Variants in SLCO1B3 observed in about 807,000 individuals in gnomAD.
The protein encoded by SLCO1B3 is solute carrier organic anion transporter family member 1B3.
SLCO1B3 carries 72 observed loss-of-function variants against 71.8 expected under a neutral mutation model. The ratio of observed to expected loss-of-function variants is 1.00; its 90% CI spans 0.83 to 1.22. The LOEUF is 1.22. Among genes scored for constraint, SLCO1B3 ranks in the 50% most tolerant of loss-of-function variants. The pLI is 0.00. For missense variants in SLCO1B3, 911 were observed against 819.7 expected, an observed-to-expected ratio of 1.11 and a Z score of -1.36; for synonymous variants, 298 against 278.4, an observed-to-expected ratio of 1.07 and a Z score of -0.70.
At chr12:20,844,605 C>T (rs1864871368) in intron 3 of SLCO1B3, among the ~76,000 whole-genome samples, 1 of 151,944 alleles carries the variant, frequency 6.6e-6, no homozygotes, top group South Asian at 2.1e-4. Context: ...TAATTGATAA[C>T]CCCCAAATCA....
chr12:20,868,796 A>C (rs1270497589), intron 8 of SLCO1B3, among the ~76,000 whole-genome samples: 2 of 152,126 alleles, frequency 1.3e-5, no homozygotes. Flanking sequence ...AAAGAGTGTG[A>C]GTCATCTCCA....
At chr12:20,835,661 G>C (rs1489183349) in intron 3 of SLCO1B3, among the ~76,000 whole-genome samples, 1 of 152,132 alleles carries the variant, frequency 6.6e-6, no homozygotes. Context: ...ATCAGTATCA[G>C]TGTTTTGATA....
chr12:20,848,616 C>T (rs1035510521), intron 3 of SLCO1B3, among the ~76,000 whole-genome samples: 1 of 152,064 alleles, frequency 6.6e-6, no homozygotes, highest in African/African-American at 2.4e-5. Context: ...GGTAAAGAAA[C>T]TGTGATACAG....
Position 20,879,278 on chromosome 12 carries a change from G to A in SLCO1B3, c.1136-158G>A, listed in dbSNP as rs566238908. ...GGCTGGGGTGCAGTGGCGCGATCTC[G>A]GCTCACTGCAAGCTCCGCCTCCCAG... On this transcript the variant is annotated intron_variant, in intron 10 of 15. Coordinates refer to ENST00000381545, the MANE Select transcript of SLCO1B3 (RefSeq NM_019844.4). Among the ~76,000 whole-genome samples the A allele has an allele frequency of 6.7e-5, 9 of 135,024 alleles. No individual in the cohort carries two copies. The East Asian group carries it at 8.7e-4, about 13-fold the overall frequency. 88.6% of individuals were successfully genotyped at this position (135,024 alleles called of 152,430 possible).
At chr12:20,855,003 T>G (rs756043958) in intron 3 of SLCO1B3, 25 bp from the exon 4 acceptor site, 55 of 1,601,472 alleles carry the variant, frequency 3.4e-5, no homozygotes, top group Non-Finnish European at 4.7e-5. Flanking sequence ...TAACCAATTT[T>G]CATTTTTTCT....
intron 3 of SLCO1B3, among the ~76,000 whole-genome samples, chr12:20,844,889 G>A (rs1178207944): frequency 2.6e-5 from 4 of 151,916 alleles, no homozygotes; most frequent in Non-Finnish European, 5.9e-5. Flanking sequence ...AATTAGCCAG[G>A]TGTGGTGGTG....
rs1458545360 is a variant in SLCO1B3, at chr12:20,878,159, T to G, written c.1135+223T>G. On this transcript the variant is annotated intron_variant, in intron 10 of 15. Coordinates refer to ENST00000381545, the MANE Select transcript of SLCO1B3 (RefSeq NM_019844.4). ...TTTAATTCCATAGGTGAAATTCACC[T>G]AATTCTATAGGTGAAATTCTAAAGA... 2.3e-4 allele frequency among the ~76,000 whole-genome samples: 4 copies of G among 17,316 alleles called. No homozygotes were observed. In the East Asian group the frequency reaches 9.3e-3, roughly 40 times the overall value. 11.4% of individuals were successfully genotyped at this position (17,316 alleles called of 152,430 possible). A position where few individuals can be genotyped will look rare whatever the true frequency, so the allele number is the denominator to read the frequency against.
rs1591752790 is a variant in SLCO1B3 at position 20,836,463 on chromosome 12, T to G, written c.85-18565T>G. 2.0e-5 allele frequency among the ~76,000 whole-genome samples: 3 copies of G among 152,296 alleles called. No homozygotes were observed. In the East Asian group the frequency reaches 5.8e-4, roughly 29 times the overall value. On this transcript the variant is annotated intron_variant, in intron 3 of 15. Transcript: ENST00000381545. ...GTGATATTGGTCTACATTTTTTTGTTATTGTAATATCTTGGATTTTAGTAT... is the reference window on the plus strand; with the variant it reads ...GTGATATTGGTCTACATTTTTTTGTGATTGTAATATCTTGGATTTTAGTAT...
intron 1 of SLCO1B3, 64 bp from the exon 2 acceptor site, chr12:20,813,460 C>A (rs1489616478): frequency 6.6e-6 from 1 of 152,152 alleles, no homozygotes; most frequent in Non-Finnish European, 1.5e-5. Flanking sequence ...GAAGCTCTGC[C>A]TTCCTCTCTC....
chr12:20,866,437 A>G (rs1032405825), intron 8 of SLCO1B3, among the ~76,000 whole-genome samples: 5 of 143,962 alleles, frequency 3.5e-5, no homozygotes, highest in African/African-American at 9.9e-5. Context: ...GATTGCTATC[A>G]GAAAGGCATA....
At chr12:20,844,811 T>C (rs2033510) in intron 3 of SLCO1B3, among the ~76,000 whole-genome samples, 109,684 of 151,458 alleles carry the variant, frequency 0.72, 42,270 homozygotes, top group South Asian at 0.9. Context: ...GGGCGAATCA[T>C]CTGAGGCCAG....
intron 9 of SLCO1B3, among the ~76,000 whole-genome samples, chr12:20,876,307 T>C (rs1045763322): frequency 1.3e-5 from 2 of 152,080 alleles, no homozygotes; most frequent in African/African-American, 4.8e-5. Context: ...GAGCAAGATA[T>C]ATCAAATGGT....
rs372013162 is a variant in SLCO1B3, at chr12:20,828,486, C to T, written c.84+12664C>T. Among the ~76,000 whole-genome samples, 161 of 152,008 alleles carry T rather than the reference C, an allele frequency of 1.1e-3. 4 individuals carry two copies. The South Asian group carries it at 0.033, about 31-fold the overall frequency. ...GTTAGAAATGATTTTAGGTCCCTCACACAGTGGAGGGTGGCAAGAAGAAGG... is the reference window on the plus strand; with the variant it reads ...GTTAGAAATGATTTTAGGTCCCTCATACAGTGGAGGGTGGCAAGAAGAAGG... On this transcript the variant is annotated intron_variant, in intron 3 of 15. Transcript: ENST00000381545.
At chr12:20,868,522 C>A (rs1329161014) in intron 8 of SLCO1B3, among the ~76,000 whole-genome samples, 1 of 152,210 alleles carries the variant, frequency 6.6e-6, no homozygotes, top group East Asian at 1.9e-4. Context: ...CACCATTCTA[C>A]TTTCTGCTTT....
intron 8 of SLCO1B3, among the ~76,000 whole-genome samples, chr12:20,869,701 C>T (rs6487165): frequency 0.72 from 110,106 of 151,998 alleles, 42,477 homozygotes; most frequent in South Asian, 0.9. Context: ...TTTCATTATA[C>T]GTATATATCA....
chr12:20,821,088 A>C lies in SLCO1B3; in HGVS notation c.84+5266A>C, dbSNP rs556869083. On this transcript the variant is annotated intron_variant, in intron 3 of 15. Transcript: ENST00000381545. Reference sequence around the variant, plus strand: ...TCAGATGGGTCTGTAGAAAAGGAAGATTAGAAAGACTCAGCGACGCTTGGG... The same window carrying C: ...TCAGATGGGTCTGTAGAAAAGGAAGCTTAGAAAGACTCAGCGACGCTTGGG... 1.4e-4 allele frequency among the ~76,000 whole-genome samples: 21 copies of C among 152,196 alleles called. No individual in the cohort carries two copies. In the South Asian group the frequency reaches 3.9e-3, roughly 29 times the overall value.
intron 3 of SLCO1B3, among the ~76,000 whole-genome samples, chr12:20,828,392 A>G (rs542998796): frequency 3.3e-4 from 50 of 152,196 alleles, no homozygotes; most frequent in African/African-American, 1.2e-3. Flanking sequence ...TTCCATAAGG[A>G]AAAACAGAGA....
At chr12:20,841,498 G>T (rs1430388074) in intron 3 of SLCO1B3, among the ~76,000 whole-genome samples, 2 of 92,620 alleles carry the variant, frequency 2.2e-5, no homozygotes, top group Admixed American at 2.8e-4. Context: ...TTCTACCATT[G>T]CCTGCCATAA....
chr12:20,821,828 A>T (rs1013935759), intron 3 of SLCO1B3, among the ~76,000 whole-genome samples: 2 of 152,220 alleles, frequency 1.3e-5, no homozygotes, highest in Non-Finnish European at 2.9e-5. Context: ...CAATGATTAA[A>T]CACCAAGGGA....
Sources: allele counts gnomAD v4.1 joint callset (sites outside exome capture counted in the v4.1 genomes callset), GRCh38; gene constraint gnomAD v4.1.1; transcripts MANE v1.5; gene names NCBI Gene and HGNC (gene_info 2026-07-23, HGNC 2026-07-21).